Variants in CCR9 observed in about 807,000 individuals in gnomAD.
The protein encoded by CCR9 is C-C chemokine receptor type 9.
Under a neutral mutation model 8.7 loss-of-function variants are expected in CCR9, and 4 were observed. The ratio of observed to expected loss-of-function variants is 0.46; its 90% CI spans 0.23 to 1.06. CCR9 has a LOEUF of 1.06. Among genes scored for constraint, CCR9 ranks in the 50% least tolerant of loss-of-function variants. The probability of loss-of-function intolerance (pLI) is 0.21; values close to 1 mark genes in which losing one functional copy is unlikely to be tolerated. For missense variants in CCR9, 394 were observed against 453.6 expected (o/e 0.87, Z 1.19); for synonymous variants, 159 against 168.8 (o/e 0.94, Z 0.45).
At chr3:45,897,668 C>T in intron 2 of CCR9, 1 of 1,431,722 alleles carries the variant, frequency 7.0e-7, no homozygotes, top group South Asian at 1.3e-5. Context: ...CTGGCCTTCC[C>T]ACCTGCCCCC....
Position 45,901,120 on chromosome 3 carries a change from A to G in CCR9, c.332A>G (p.Gln111Arg). The G allele has an allele frequency of 1.9e-6, 3 of 1,614,182 alleles. No homozygotes were observed. The highest frequency in any genetic ancestry group is 2.5e-6 in the Non-Finnish European group (3 of 1,180,026). Reference protein sequence around the residue: ...LPFWAIAAADQWKFQTFMCKV... With the variant: ...LPFWAIAAADRWKFQTFMCKV... ...TTCTGGGCCATTGCTGCTGCTGACC[A>G]GTGGAAGTTCCAGACCTTCATGTGC... Residue 111 changes from glutamine (Q) to arginine (R), a missense_variant, in exon 3 of 3, where the codon CAG becomes CGG. Physicochemically the swap from Gln to Arg is conservative, Grantham distance 43. Coordinates refer to ENST00000357632, the MANE Select transcript of CCR9 (RefSeq NM_031200.3). The surrounding 1 kb of genome is among the most constrained non-coding windows in gnomAD (Gnocchi z 4.3).
At chr3:45,893,964 AAC>A (rs1702269304) in intron 1 of CCR9, among the ~76,000 whole-genome samples, 1 of 152,210 alleles carries the variant, frequency 6.6e-6, no homozygotes, top group Non-Finnish European at 1.5e-5. Context: ...AAAGGAAGCC[AAC>A]AGGTTGGCTT....
intron 2 of CCR9, chr3:45,897,751 C>T: frequency 1.6e-6 from 1 of 631,578 alleles, no homozygotes; most frequent in Non-Finnish European, 2.7e-6. Context: ...TCTTTCCTCC[C>T]TTGCCTTCTT....
intron 1 of CCR9, among the ~76,000 whole-genome samples, chr3:45,891,003 G>C (rs902679030): frequency 6.6e-6 from 1 of 152,198 alleles, no homozygotes; most frequent in Non-Finnish European, 1.5e-5. Context: ...GTTAAAAGTG[G>C]TTATTTTAGG....
At chr3:45,897,993 A>AAC (rs1702418533) in intron 2 of CCR9, among the ~76,000 whole-genome samples, 1 of 146,270 alleles carries the variant, frequency 6.8e-6, no homozygotes, top group Non-Finnish European at 1.5e-5. Context: ...AAAAAAAAAA[A>AAC]CACACAAAAC....
intron 2 of CCR9, among the ~76,000 whole-genome samples, chr3:45,899,867 A>C (rs1356942318): frequency 6.6e-6 from 1 of 152,104 alleles, no homozygotes; most frequent in Non-Finnish European, 1.5e-5. Flanking sequence ...TTTCCGTAGC[A>C]GGGGTTTTAG....
intron 1 of CCR9, among the ~76,000 whole-genome samples, chr3:45,889,357 G>A (rs1702077069): frequency 6.6e-6 from 1 of 152,112 alleles, no homozygotes; most frequent in African/African-American, 2.4e-5. Flanking sequence ...CAACTTAGTT[G>A]CATAAAGTAG....
chr3:45,888,450 G>A (rs1023086800), intron 1 of CCR9, among the ~76,000 whole-genome samples: 4 of 152,200 alleles, frequency 2.6e-5, no homozygotes, highest in African/African-American at 9.7e-5. Context: ...CAGTGTATTT[G>A]AATGCAAGCT....
At chr3:45,898,795 G>A (rs1702452039) in intron 2 of CCR9, among the ~76,000 whole-genome samples, 1 of 152,222 alleles carries the variant, frequency 6.6e-6, no homozygotes. Flanking sequence ...AATAAATTTA[G>A]AAAACATTGT....
intron 1 of CCR9, among the ~76,000 whole-genome samples, chr3:45,893,031 G>A (rs554746248): frequency 1.2e-4 from 19 of 152,238 alleles, no homozygotes; most frequent in South Asian, 1.0e-3. Flanking sequence ...AAGTTCTGAC[G>A]TACATACACC....
Position 45,901,733 on chromosome 3 carries a change from T to C in CCR9, c.945T>C (p.Val315=), listed in dbSNP as rs1273486573. 2.5e-6 allele frequency: 4 copies of C among 1,614,156 alleles called. No homozygotes were observed. In the Admixed American group the frequency reaches 6.7e-5, roughly 27 times the overall value. The part of the protein sequence containing the change: ...IAFFHSCLNP[V]LYVFVGERFR... ...TCTTCCACAGTTGCCTGAACCCTGT[T>C]CTCTATGTTTTTGTGGGTGAGAGAT... The change falls in exon 3 of 3, where the codon GTT becomes GTC. Residue 315 remains valine, a synonymous_variant. Transcript: ENST00000357632. This position sits in a 1 kb window ranked among gnomAD's most constrained non-coding sequence, Gnocchi z 4.3.
At chr3:45,895,622 G>A (rs868331243) in intron 2 of CCR9, among the ~76,000 whole-genome samples, 23 of 151,992 alleles carry the variant, frequency 1.5e-4, no homozygotes, top group Middle Eastern at 3.2e-3. Flanking sequence ...GCTGAGGCAC[G>A]AGAGTCGCTT....
chr3:45,894,922 G>C lies in CCR9; in HGVS notation c.-12G>C, dbSNP rs200276505. The stretch of plus-strand genomic sequence containing the variant: ...CTTTTCCAGGAGCAGGCTTGCATCT[G>C]ACTGACCCACCATGACACCCACAGA... On this transcript the variant is annotated 5_prime_UTR_variant, in exon 2 of 3. Coordinates refer to ENST00000357632, the MANE Select transcript of CCR9 (RefSeq NM_031200.3). The C allele has an allele frequency of 3.1e-6, 5 of 1,613,858 alleles. No individual in the cohort carries two copies. Among genetic ancestry groups the C allele is most frequent in the Admixed American group, 3.3e-5 (2 of 59,996 alleles).
At position 45,901,588 on chromosome 3, in the gene CCR9, A is replaced by C; in HGVS notation, c.800A>C (p.Gln267Pro). The change falls in exon 3 of 3, where the codon CAG becomes CCG. Residue 267 changes from glutamine to proline, a missense_variant. Transcript: ENST00000357632. The surrounding 1 kb of genome is among the most constrained non-coding windows in gnomAD (Gnocchi z 4.3). ...GTCCTGACCGTCTTTGTCTTGTCTCAGTTTCCCTACAACTGCATTTTGTTG... is the reference window on the plus strand; with the variant it reads ...GTCCTGACCGTCTTTGTCTTGTCTCCGTTTCCCTACAACTGCATTTTGTTG... ...ITVLTVFVLSQFPYNCILLVQ... is the reference protein window; with the variant it reads ...ITVLTVFVLSPFPYNCILLVQ... 1 of 1,614,164 alleles carries C rather than the reference A, an allele frequency of 6.2e-7. No homozygotes were observed. Among genetic ancestry groups the C allele is most frequent in the Non-Finnish European group, 8.5e-7 (1 of 1,180,026 alleles).
rs1237727908 is a variant in CCR9, at chr3:45,890,337, C to CATAT, written c.-29+3690_-29+3693dup. 2.4e-4 allele frequency among the ~76,000 whole-genome samples: 15 copies of CATAT among 63,146 alleles called. 1 individual carries two copies. The highest frequency in any genetic ancestry group is 1.8e-3 in the African/African-American group (14 of 7,970). 41.4% of individuals were successfully genotyped at this position (63,146 alleles called of 152,430 possible). ...TATATTTATATAAATATATATATAA[C>CATAT]ATATATATATAACATATATATATAT... On this transcript the variant is annotated intron_variant, in intron 1 of 2. Coordinates refer to ENST00000357632, the MANE Select transcript of CCR9 (RefSeq NM_031200.3).
At chr3:45,898,994 C>T (rs931985835) in intron 2 of CCR9, among the ~76,000 whole-genome samples, 1 of 151,948 alleles carries the variant, frequency 6.6e-6, no homozygotes, top group Non-Finnish European at 1.5e-5. Context: ...GGTGAAATCC[C>T]GTCTCTACTA....
chr3:45,898,203 T>C (rs1201694439), intron 2 of CCR9, among the ~76,000 whole-genome samples: 2 of 152,170 alleles, frequency 1.3e-5, no homozygotes, highest in Admixed American at 1.3e-4. Context: ...CTTCCTTCTA[T>C]TCTCAAGTTC....
rs1702575588 is a variant in CCR9, at chr3:45,901,975, G to C, written c.*77G>C. On this transcript the variant is annotated 3_prime_UTR_variant, in exon 3 of 3. Coordinates refer to ENST00000357632, the MANE Select transcript of CCR9 (RefSeq NM_031200.3). This position sits in a 1 kb window ranked among gnomAD's most constrained non-coding sequence, Gnocchi z 4.3. ...AACAGTTTCCCCACTGATGGGACCAGAGAGAGTGAAAGAGAAAAGAAAACT... is the reference window on the plus strand; with the variant it reads ...AACAGTTTCCCCACTGATGGGACCACAGAGAGTGAAAGAGAAAAGAAAACT... 1 of 1,211,594 alleles carries C rather than the reference G, an allele frequency of 8.3e-7. No individual in the cohort carries two copies. Among genetic ancestry groups the C allele is most frequent in the Non-Finnish European group, 1.2e-6 (1 of 863,360 alleles). The allele number at this position is 1,211,594 out of a possible 1,614,324, so 75.1% of individuals were successfully genotyped here. A position where few individuals can be genotyped will look rare whatever the true frequency, so the allele number is the denominator to read the frequency against.
At position 45,900,229 on chromosome 3, in the gene CCR9, G is replaced by T. The variant is rs1331975776; in HGVS notation, c.22-581G>T. 3.9e-5 allele frequency among the ~76,000 whole-genome samples: 6 copies of T among 152,112 alleles called. No homozygotes were observed. Among genetic ancestry groups the T allele is most frequent in the Non-Finnish European group, 7.4e-5 (5 of 68,006 alleles). On this transcript the variant is annotated intron_variant, in intron 2 of 2. Coordinates refer to ENST00000357632, the MANE Select transcript of CCR9 (RefSeq NM_031200.3). This position sits in a 1 kb window ranked among gnomAD's most constrained non-coding sequence, Gnocchi z 4.7. ...AACTATAGAGCAGGTCATGGTGCTTGTGTGTGTATGTAGGGTTGAGAGTGT... is the reference window on the plus strand; with the variant it reads ...AACTATAGAGCAGGTCATGGTGCTTTTGTGTGTATGTAGGGTTGAGAGTGT...
Sources: allele counts gnomAD v4.1 joint callset (sites outside exome capture counted in the v4.1 genomes callset), GRCh38; gene constraint gnomAD v4.1.1; non-coding constraint Gnocchi (gnomAD v3.1); transcripts MANE v1.5; gene names NCBI Gene and HGNC (gene_info 2026-07-23, HGNC 2026-07-21).